Variants in TRIM5 observed in about 807,000 individuals in gnomAD.
TRIM5 encodes the protein tripartite motif containing 5.
In TRIM5, 31 loss-of-function variants were observed where a neutral mutation model predicts 35.6. The ratio of observed to expected loss-of-function variants is 0.87; its 90% CI spans 0.65 to 1.18. TRIM5 has a LOEUF of 1.18. TRIM5 is among the 50% of genes most tolerant of loss of function. The pLI is 0.00. For missense variants in TRIM5, 609 were observed against 591.6 expected (o/e 1.03, Z -0.31); for synonymous variants, 243 against 215.6 (o/e 1.13, Z -1.11).
downstream of TRIM5, among the ~76,000 whole-genome samples, chr11:5,662,658 T>A (rs1317853574): frequency 3.3e-5 from 5 of 152,302 alleles, no homozygotes; most frequent in African/African-American, 1.2e-4. Flanking sequence ...GAACAAAGAT[T>A]TTTTTTCCCA....
rs1470170408 is a variant in TRIM5 at position 5,664,025 on chromosome 11, A to G, written c.*784T>C. On this transcript the variant is annotated 3_prime_UTR_variant, in exon 8 of 8. Transcript: ENST00000380034. ...TAGACGAGCCTAACCAACATGGGGA[A>G]ACCCCGTCTCTACTGAAAATACAAA... 2 of 164,970 alleles carry G rather than the reference A, an allele frequency of 1.2e-5. No individual in the cohort carries two copies. The highest frequency in any genetic ancestry group is 2.5e-5 in the Non-Finnish European group (2 of 79,798). 10.2% of individuals were successfully genotyped at this position (164,970 alleles called of 1,614,324 possible).
chr11:5,597,051 C>T, the TRIM5 span: 1 of 1,421,154 alleles, frequency 7.0e-7, no homozygotes, highest in African/African-American at 1.5e-5. Flanking sequence ...GCAAATGACC[C>T]CACTGAGGTT....
the TRIM5 span, among the ~76,000 whole-genome samples, chr11:5,623,733 T>C: frequency 1.3e-5 from 2 of 152,110 alleles, no homozygotes; most frequent in African/African-American, 2.4e-5. Context: ...AACCTGATAG[T>C]AATTGACTCC....
At chr11:5,606,255 G>T in the TRIM5 span, among the ~76,000 whole-genome samples, 1 of 152,200 alleles carries the variant, frequency 6.6e-6, no homozygotes, top group Non-Finnish European at 1.5e-5. Flanking sequence ...TATTTGAACT[G>T]GTTTTGGGGG....
the TRIM5 span, among the ~76,000 whole-genome samples, chr11:5,646,052 T>A: frequency 8.1e-3 from 965 of 118,516 alleles, 9 homozygotes; most frequent in African/African-American, 0.026. Context: ...TATTAGATTA[T>A]ATATGTATAA....
the TRIM5 span, among the ~76,000 whole-genome samples, chr11:5,600,026 G>T: frequency 6.6e-6 from 1 of 152,160 alleles, no homozygotes; most frequent in East Asian, 1.9e-4. Flanking sequence ...GTTCCCACAG[G>T]TGTGATTAAT....
chr11:5,643,870 C>T, the TRIM5 span: 3 of 910,392 alleles, frequency 3.3e-6, no homozygotes, highest in East Asian at 7.9e-5. Context: ...ATGAGAGATG[C>T]TTATTTATTC....
chr11:5,596,817 A>T, the TRIM5 span: 68 of 1,609,588 alleles, frequency 4.2e-5, no homozygotes, highest in East Asian at 2.9e-4. Context: ...AGATTAGTTT[A>T]AGGTGCCTTG....
chr11:5,632,324 G>A, the TRIM5 span: 3 of 1,614,014 alleles, frequency 1.9e-6, no homozygotes, highest in African/African-American at 4.0e-5. Flanking sequence ...AGCCAGGGAA[G>A]CAGTGCAATG....
At chr11:5,683,880 G>T in intron 1 of TRIM5, 1 of 152,418 alleles carries the variant, frequency 6.6e-6, no homozygotes, top group Non-Finnish European at 1.5e-5. Flanking sequence ...AACCTGCGCT[G>T]GTCCCCTTCC....
At position 5,664,891 on chromosome 11, in the gene TRIM5, C is replaced by G. The variant is rs59218593; in HGVS notation, c.1400G>C (p.Cys467Ser). 1.9e-6 allele frequency: 3 copies of G among 1,613,884 alleles called. No homozygotes were observed. The East Asian group carries it at 6.7e-5, about 36-fold the overall frequency. Residue 467 changes from cysteine to serine, a missense_variant, in exon 8 of 8, where the codon TGT becomes TCT. Transcript: ENST00000380034. ...TGGAAATACAGGCTGAGAAAAAGAA[C>G]AGTGAGAAAACTTATAGATGAGAAA... Reference protein sequence around the residue: ...HGFLIYKFSHCSFSQPVFPYL... With the variant: ...HGFLIYKFSHSSFSQPVFPYL...
chr11:5,657,698 A>G, the TRIM5 span, among the ~76,000 whole-genome samples: 1 of 128,268 alleles, frequency 7.8e-6, no homozygotes, highest in Non-Finnish European at 1.6e-5. Flanking sequence ...TTATAATATA[A>G]TATATATAAA....
the TRIM5 span, among the ~76,000 whole-genome samples, chr11:5,633,527 T>C: frequency 3.9e-5 from 6 of 152,188 alleles, no homozygotes; most frequent in Non-Finnish European, 5.9e-5. Context: ...GGAAAGAGCA[T>C]TGATAAGAGG....
downstream of TRIM5, among the ~76,000 whole-genome samples, chr11:5,662,441 G>T (rs1274893980): frequency 1.6e-5 from 2 of 127,532 alleles, no homozygotes; most frequent in African/African-American, 5.4e-5. Flanking sequence ...CCATGCCTTT[G>T]TTACTTTAAT....
the TRIM5 span, among the ~76,000 whole-genome samples, chr11:5,656,656 G>C: frequency 3.3e-5 from 5 of 152,038 alleles, no homozygotes; most frequent in Admixed American, 3.3e-4. Context: ...GACAGGCCAT[G>C]AACAGACACT....
chr11:5,598,812 T>A, the TRIM5 span, among the ~76,000 whole-genome samples: 1 of 152,216 alleles, frequency 6.6e-6, no homozygotes. Flanking sequence ...TTTATTGAGT[T>A]CTATCTAGTA....
chr11:5,614,081 T>C, the TRIM5 span, among the ~76,000 whole-genome samples: 1 of 152,194 alleles, frequency 6.6e-6, no homozygotes, highest in African/African-American at 2.4e-5. Flanking sequence ...CTCTGACCTT[T>C]TCTTGAGGGG....
the TRIM5 span, chr11:5,610,468 G>T: frequency 1.6e-5 from 25 of 1,612,624 alleles, no homozygotes; most frequent in Non-Finnish European, 2.1e-5. Flanking sequence ...AATGTAGTAA[G>T]GAGAGAGATA....
chr11:5,625,479 GT>G, the TRIM5 span, among the ~76,000 whole-genome samples: 3 of 152,186 alleles, frequency 2.0e-5, no homozygotes, highest in African/African-American at 7.2e-5. Flanking sequence ...GGAGGTCTCT[GT>G]TTTCCAAGTG....
Sources: allele counts gnomAD v4.1 joint callset (sites outside exome capture counted in the v4.1 genomes callset), GRCh38; gene constraint gnomAD v4.1.1; transcripts MANE v1.5; gene names NCBI Gene and HGNC (gene_info 2026-07-23, HGNC 2026-07-21).